Variants in STX18 observed in about 807,000 individuals in gnomAD.
STX18 encodes the protein syntaxin 18.
A neutral mutation model predicts 50.1 loss-of-function variants in STX18; 40 were observed. That is an observed-to-expected ratio of 0.80 (90% CI 0.62 to 1.04). The LOEUF (loss-of-function observed/expected upper bound fraction) is 1.04, where lower values mean the gene tolerates loss of function less well. Ranked by LOEUF, STX18 falls within the 50% of genes least tolerant of loss-of-function variation. STX18 has a pLI of 0.00. For missense variants in STX18, 410 were observed against 415.8 expected (o/e 0.99, Z 0.12); for synonymous variants, 158 against 151.8 (o/e 1.04, Z -0.30).
At chr4:4,472,715 G>A (rs1449468783) in intron 1 of STX18, among the ~76,000 whole-genome samples, 2 of 152,122 alleles carry the variant, frequency 1.3e-5, no homozygotes, top group Non-Finnish European at 2.9e-5. Context: ...TATGCAAGGA[G>A]GGGCTGCCCA....
chr4:4,503,757 T>C (rs903338116), intron 1 of STX18, among the ~76,000 whole-genome samples: 4 of 152,166 alleles, frequency 2.6e-5, no homozygotes, highest in Non-Finnish European at 5.9e-5. Context: ...GAAAAGGTTG[T>C]AAAATTGATG....
chr4:4,527,325 G>A (rs761573868), intron 1 of STX18, among the ~76,000 whole-genome samples: 6 of 152,120 alleles, frequency 3.9e-5, no homozygotes, highest in Non-Finnish European at 5.9e-5. Context: ...CACAAAAAAA[G>A]GGTTGAGTGT....
intron 1 of STX18, among the ~76,000 whole-genome samples, chr4:4,486,333 T>C (rs912655033): frequency 2.0e-5 from 3 of 152,230 alleles, no homozygotes; most frequent in Non-Finnish European, 4.4e-5. Flanking sequence ...TTGGAAAGTC[T>C]GCTCATAAGA....
At chr4:4,452,309 A>T (rs530059006) in intron 5 of STX18, among the ~76,000 whole-genome samples, 17 of 152,382 alleles carry the variant, frequency 1.1e-4, no homozygotes, top group East Asian at 1.9e-4. Flanking sequence ...GCAATAAGTT[A>T]TCCAGAAGAT....
intron 1 of STX18, among the ~76,000 whole-genome samples, chr4:4,504,836 T>C (rs1729625176): frequency 6.6e-6 from 1 of 152,070 alleles, no homozygotes; most frequent in Non-Finnish European, 1.5e-5. Context: ...TAACTAGAAT[T>C]CTCATACATT....
chr4:4,510,710 T>A lies in STX18; in HGVS notation c.168+31087A>T, dbSNP rs548187927. On this transcript the variant is annotated intron_variant, in intron 1 of 10. Coordinates refer to ENST00000306200, the MANE Select transcript of STX18 (RefSeq NM_016930.4). Reference sequence around the variant, plus strand: ...TATAAAGACACATGCACATGTATGTTTTTTGCAGCACTATTTACAATGGCA... The same window carrying A: ...TATAAAGACACATGCACATGTATGTATTTTGCAGCACTATTTACAATGGCA... Among the ~76,000 whole-genome samples the A allele has an allele frequency of 2.0e-5, 3 of 152,354 alleles. No homozygotes were observed. The East Asian group carries it at 5.8e-4, about 29-fold the overall frequency.
At chr4:4,537,132 T>G (rs1438201574) in intron 1 of STX18, among the ~76,000 whole-genome samples, 1 of 152,204 alleles carries the variant, frequency 6.6e-6, no homozygotes, top group African/African-American at 2.4e-5. Context: ...CCCTGGCTCC[T>G]GTAACCTTTA....
intron 1 of STX18, among the ~76,000 whole-genome samples, chr4:4,519,832 G>T (rs1206291349): frequency 6.6e-6 from 1 of 152,156 alleles, no homozygotes; most frequent in East Asian, 1.9e-4. Flanking sequence ...CACTGATACA[G>T]AAAAATAAAG....
intron 1 of STX18, among the ~76,000 whole-genome samples, chr4:4,529,514 ATAACATAC>A (rs1306401593): frequency 6.6e-6 from 1 of 151,350 alleles, no homozygotes; most frequent in Non-Finnish European, 1.5e-5. Context: ...AGATGATGTG[ATAACATAC>A]TAAAGAGCAA....
At chr4:4,435,917 C>T (rs761239978) in intron 6 of STX18, among the ~76,000 whole-genome samples, 7 of 152,028 alleles carry the variant, frequency 4.6e-5, no homozygotes, top group Admixed American at 3.3e-4. Flanking sequence ...GGGTTGGGAG[C>T]GGAGGGGAGA....
intron 1 of STX18, among the ~76,000 whole-genome samples, chr4:4,516,774 TA>T (rs908417745): frequency 3.3e-5 from 5 of 150,970 alleles, no homozygotes; most frequent in Admixed American, 6.6e-5. Flanking sequence ...TTTTCCAATC[TA>T]AAAAAAAAGA....
chr4:4,515,078 A>G (rs1239127790), intron 1 of STX18, among the ~76,000 whole-genome samples: 2 of 152,190 alleles, frequency 1.3e-5, no homozygotes, highest in Admixed American at 1.3e-4. Context: ...ATTCTCAGAA[A>G]GTACATTCAT....
At chr4:4,448,634 G>A (rs1385002003) in intron 5 of STX18, among the ~76,000 whole-genome samples, 4 of 152,222 alleles carry the variant, frequency 2.6e-5, no homozygotes, top group East Asian at 3.9e-4. Flanking sequence ...GAGCCACCGC[G>A]CCCAGCCAAT....
At chr4:4,435,716 T>C (rs936407936) in intron 6 of STX18, among the ~76,000 whole-genome samples, 13 of 152,210 alleles carry the variant, frequency 8.5e-5, no homozygotes, top group African/African-American at 3.1e-4. Flanking sequence ...AGTGACTCTC[T>C]AGGACAGATA....
chr4:4,432,329 G>A (rs985302583), intron 7 of STX18, among the ~76,000 whole-genome samples: 1 of 152,236 alleles, frequency 6.6e-6, no homozygotes, highest in African/African-American at 2.4e-5. Context: ...AATGGTCTGA[G>A]CTCCAGCTGC....
At chr4:4,536,365 T>A (rs1490260593) in intron 1 of STX18, among the ~76,000 whole-genome samples, 19 of 152,242 alleles carry the variant, frequency 1.2e-4, no homozygotes. Context: ...AGTTCTTCAT[T>A]TTCAGAAAAC....
chr4:4,468,744 A>G (rs1727751959), intron 2 of STX18, among the ~76,000 whole-genome samples: 1 of 152,138 alleles, frequency 6.6e-6, no homozygotes, highest in South Asian at 2.1e-4. Context: ...TGCACCTACC[A>G]TTTGTATGAC....
chr4:4,530,520 T>C (rs572250254), intron 1 of STX18, among the ~76,000 whole-genome samples: 83 of 152,218 alleles, frequency 5.5e-4, no homozygotes, highest in Non-Finnish European at 9.7e-4. Flanking sequence ...GCCATCACCA[T>C]CATCATCAAA....
intron 7 of STX18, among the ~76,000 whole-genome samples, chr4:4,434,266 G>A (rs1725665511): frequency 6.6e-6 from 1 of 152,202 alleles, no homozygotes; most frequent in South Asian, 2.1e-4. Flanking sequence ...GCTGGCAGGG[G>A]CTTGGCAGAC....
Sources: allele counts gnomAD v4.1 joint callset (sites outside exome capture counted in the v4.1 genomes callset), GRCh38; gene constraint gnomAD v4.1.1; transcripts MANE v1.5; gene names NCBI Gene and HGNC (gene_info 2026-07-23, HGNC 2026-07-21).